VWF: variants seen among roughly 807,000 people sequenced by gnomAD.
The protein encoded by VWF is Factor VIII related antigen.
In VWF, 176 loss-of-function variants were observed where a neutral mutation model predicts 308.6. The observed-to-expected ratio is 0.57, with a 90% confidence interval of 0.50 to 0.65. The LOEUF (loss-of-function observed/expected upper bound fraction) is 0.65. Among genes scored for constraint, VWF ranks in the 30% least tolerant of loss-of-function variants. The pLI is 0.00. For synonymous variants in VWF, 1,385 were observed against 1,443.4 expected (o/e 0.96, Z 0.92); for missense variants, 3,146 against 3,648.2 (o/e 0.86, Z 3.55).
At chr12:6,119,889 C>T (rs754917125) in intron 3 of VWF, among the ~76,000 whole-genome samples, 1 of 152,134 alleles carries the variant, frequency 6.6e-6, no homozygotes, top group Non-Finnish European at 1.5e-5. Context: ...CAACAGAGAA[C>T]TCGGTGAGCT....
chr12:6,009,008 T>C (rs1386528632), intron 34 of VWF, among the ~76,000 whole-genome samples: 6 of 152,098 alleles, frequency 3.9e-5, no homozygotes, highest in African/African-American at 1.4e-4. Flanking sequence ...CACAAGAACT[T>C]TGCAACATTG....
chr12:5,982,854 A>C (rs1943622487), intron 41 of VWF, among the ~76,000 whole-genome samples: 1 of 137,904 alleles, frequency 7.3e-6, no homozygotes, highest in South Asian at 2.2e-4. Context: ...GATGGGCAGA[A>C]ATAAAGATTA....
chr12:6,092,589 C>A (rs1945050489), intron 6 of VWF, among the ~76,000 whole-genome samples: 1 of 107,172 alleles, frequency 9.3e-6, no homozygotes, highest in Non-Finnish European at 1.7e-5. Flanking sequence ...TGCATGCCAC[C>A]ATGCCCAGCT....
intron 2 of VWF, chr12:6,122,699 T>C (rs1315806616): frequency 1.9e-6 from 1 of 515,302 alleles, no homozygotes; most frequent in Non-Finnish European, 3.9e-6. Context: ...GGAAAGGGTG[T>C]TGGCCTGGAA....
At chr12:6,032,592 C>A (rs1279312284) in intron 20 of VWF, among the ~76,000 whole-genome samples, 1 of 151,316 alleles carries the variant, frequency 6.6e-6, no homozygotes, top group Non-Finnish European at 1.5e-5. Flanking sequence ...GAGCCGAGAT[C>A]GCACCACTGC....
intron 5 of VWF, among the ~76,000 whole-genome samples, chr12:6,099,634 A>G (rs559037750): frequency 1.3e-5 from 2 of 152,312 alleles, no homozygotes; most frequent in East Asian, 3.9e-4. Flanking sequence ...AAAAATAAGC[A>G]ATGGGGAAGG....
At chr12:6,084,933 A>C (rs908314840) in intron 6 of VWF, among the ~76,000 whole-genome samples, 6 of 152,188 alleles carry the variant, frequency 3.9e-5, no homozygotes, top group African/African-American at 1.4e-4. Flanking sequence ...TCCCACCCGC[A>C]TTCCAAGATT....
intron 19 of VWF, among the ~76,000 whole-genome samples, chr12:6,035,666 C>T (rs1249769490): frequency 6.6e-6 from 1 of 152,214 alleles, no homozygotes. Context: ...TGCTCATGGG[C>T]AGTGTAAGGC....
At chr12:6,080,981 G>A (rs1423592972) in intron 6 of VWF, among the ~76,000 whole-genome samples, 4 of 152,146 alleles carry the variant, frequency 2.6e-5, no homozygotes, top group Admixed American at 6.5e-5. Flanking sequence ...GGAGCCAGGC[G>A]GGATGCCTAG....
intron 40 of VWF, among the ~76,000 whole-genome samples, chr12:5,984,744 A>C (rs570305536): frequency 1.8e-4 from 28 of 152,302 alleles, no homozygotes; most frequent in African/African-American, 6.5e-4. Context: ...TGAAAATGAA[A>C]ATGGGTTGCT....
intron 18 of VWF, among the ~76,000 whole-genome samples, chr12:6,040,910 T>G (rs571151002): frequency 2.9e-4 from 44 of 152,274 alleles, no homozygotes; most frequent in African/African-American, 9.9e-4. Context: ...CGGTGGACAC[T>G]GAGAGGCACC....
chr12:6,031,836 G>T (rs777837275), intron 20 of VWF, among the ~76,000 whole-genome samples: 1 of 150,540 alleles, frequency 6.6e-6, no homozygotes, highest in African/African-American at 2.4e-5. Flanking sequence ...GGGAAGGAGG[G>T]GGAGGGAAGG....
intron 5 of VWF, among the ~76,000 whole-genome samples, chr12:6,107,072 C>T (rs1228597074): frequency 1.3e-5 from 2 of 152,010 alleles, no homozygotes; most frequent in African/African-American, 4.8e-5. Context: ...TACTCCTTAG[C>T]AATAAATAGG....
intron 14 of VWF, 113 bp from the exon 15 acceptor site, chr12:6,057,185 G>A: frequency 1.0e-6 from 1 of 981,800 alleles, no homozygotes; most frequent in South Asian, 1.7e-5. Context: ...GGGCTGCAAG[G>A]TCACGCAGAG....
intron 15 of VWF, 67 bp downstream of exon 15, chr12:6,056,790 T>C (rs1944583494): frequency 7.9e-7 from 1 of 1,272,062 alleles, no homozygotes; most frequent in African/African-American, 1.6e-5. Flanking sequence ...GAGAAAGGGC[T>C]TCGAAAAGCA....
chr12:6,092,280 T>C (rs1945042865), intron 6 of VWF, among the ~76,000 whole-genome samples: 1 of 151,890 alleles, frequency 6.6e-6, no homozygotes, highest in Admixed American at 6.5e-5. Flanking sequence ...TAACCACCAT[T>C]AGACTTTCTT....
At chr12:5,964,202 G>A (rs1468309920) in intron 47 of VWF, among the ~76,000 whole-genome samples, 1 of 127,152 alleles carries the variant, frequency 7.9e-6, no homozygotes, top group African/African-American at 3.2e-5. Context: ...GGGCGACAGA[G>A]AGAGACTCTG....
At chr12:6,076,838 G>A (rs891434092) in intron 6 of VWF, among the ~76,000 whole-genome samples, 1 of 152,218 alleles carries the variant, frequency 6.6e-6, no homozygotes, top group Non-Finnish European at 1.5e-5. Context: ...TGGGCCTCCT[G>A]TTTTGCGGCG....
intron 44 of VWF, among the ~76,000 whole-genome samples, chr12:5,969,997 A>T (rs548522191): frequency 1.4e-4 from 22 of 152,330 alleles, no homozygotes; most frequent in African/African-American, 5.1e-4. Context: ...GCCAGCACCC[A>T]GATATGTAAC....
Sources: allele counts gnomAD v4.1 joint callset (sites outside exome capture counted in the v4.1 genomes callset), GRCh38; gene constraint gnomAD v4.1.1; transcripts MANE v1.5; gene names NCBI Gene and HGNC (gene_info 2026-07-23, HGNC 2026-07-21).